The following NRXN1 variants were observed in gnomAD, a reference collection of about 807,000 sequenced individuals.
NRXN1 encodes the protein neurexin-1.
In NRXN1, 39 loss-of-function variants were observed where a neutral mutation model predicts 150.9. The observed-to-expected ratio is 0.26, with a 90% CI of 0.20 to 0.34. The LOEUF (loss-of-function observed/expected upper bound fraction) is 0.34, where lower values mean the gene tolerates loss of function less well. Ranked by LOEUF, NRXN1 falls within the 10% of genes least tolerant of loss-of-function variation. NRXN1 has a pLI of 1.00. For missense variants in NRXN1, 1,815 were observed against 1,949.9 expected, an observed-to-expected ratio of 0.93 and a Z score of 1.30; for synonymous variants, 924 against 757.0, an observed-to-expected ratio of 1.22 and a Z score of -3.62.
At chr2:50,300,762 C>G (rs1401043656) in intron 17 of NRXN1, among the ~76,000 whole-genome samples, 1 of 152,154 alleles carries the variant, frequency 6.6e-6, no homozygotes, top group Non-Finnish European at 1.5e-5. Flanking sequence ...ATGGCACTAT[C>G]TTGGCTCACT....
intron 5 of NRXN1, among the ~76,000 whole-genome samples, chr2:50,698,488 A>T (rs1276492740): frequency 6.6e-6 from 1 of 152,238 alleles, no homozygotes; most frequent in Non-Finnish European, 1.5e-5. Context: ...TTTTCATAAA[A>T]GTACACAATT....
intron 18 of NRXN1, among the ~76,000 whole-genome samples, chr2:50,147,559 G>C (rs1375173504): frequency 6.6e-6 from 1 of 151,654 alleles, no homozygotes; most frequent in African/African-American, 2.4e-5. Context: ...GATTCTTTGA[G>C]ATGTTATTAA....
At chr2:50,742,625 A>T (rs1390265010) in intron 5 of NRXN1, among the ~76,000 whole-genome samples, 1 of 151,138 alleles carries the variant, frequency 6.6e-6, no homozygotes, top group African/African-American at 2.4e-5. Context: ...AAAAAAAAAG[A>T]AAAAAGAAAC....
intron 5 of NRXN1, among the ~76,000 whole-genome samples, chr2:50,666,673 T>C (rs770352716): frequency 1.3e-5 from 2 of 151,912 alleles, no homozygotes; most frequent in Non-Finnish European, 2.9e-5. Flanking sequence ...TGGCTGCTTC[T>C]TACTCTGAAG....
chr2:50,007,104 A>G (rs1684895815), intron 21 of NRXN1, among the ~76,000 whole-genome samples: 1 of 152,086 alleles, frequency 6.6e-6, no homozygotes, highest in Non-Finnish European at 1.5e-5. Context: ...ATACCTTGGG[A>G]GGCCAAGGTG....
intron 8 of NRXN1, among the ~76,000 whole-genome samples, chr2:50,576,887 A>G (rs1671519076): frequency 6.6e-6 from 1 of 152,034 alleles, no homozygotes; most frequent in Non-Finnish European, 1.5e-5. Flanking sequence ...TCTGTGGTTA[A>G]GTAGCTCTTC....
At chr2:50,665,539 C>G (rs551771246) in intron 5 of NRXN1, among the ~76,000 whole-genome samples, 2 of 151,920 alleles carry the variant, frequency 1.3e-5, no homozygotes, top group Admixed American at 1.3e-4. Flanking sequence ...GAGTTAATCA[C>G]GCAAAATGCT....
rs77029495 is a variant in NRXN1 at position 50,029,793 on chromosome 2, C to A, written c.4128+23478G>T. 2.0e-5 allele frequency among the ~76,000 whole-genome samples: 3 copies of A among 152,270 alleles called. No individual in the cohort carries two copies. In the East Asian group the frequency reaches 5.8e-4, roughly 29 times the overall value. Reference sequence around the variant, plus strand: ...CTGAATTTAATATGAATAGGTTTCACCACTTGTCAACTATTTGACTAGAGG... The same window carrying A: ...CTGAATTTAATATGAATAGGTTTCAACACTTGTCAACTATTTGACTAGAGG... On this transcript the variant is annotated intron_variant, in intron 21 of 22. Coordinates refer to ENST00000401669, the MANE Select transcript of NRXN1 (RefSeq NM_001330078.2).
At chr2:50,504,508 T>A (rs2092122470) in intron 13 of NRXN1, among the ~76,000 whole-genome samples, 2 of 152,142 alleles carry the variant, frequency 1.3e-5, no homozygotes, top group Non-Finnish European at 2.9e-5. Context: ...AGGGTATTCT[T>A]TGTATTATTT....
chr2:50,732,905 C>T (rs983109534), intron 5 of NRXN1, among the ~76,000 whole-genome samples: 4 of 152,112 alleles, frequency 2.6e-5, no homozygotes, highest in Non-Finnish European at 5.9e-5. Flanking sequence ...GACTTTCTTC[C>T]AGTACACTGT....
At chr2:50,754,538 G>A (rs966282859) in intron 5 of NRXN1, among the ~76,000 whole-genome samples, 10 of 151,752 alleles carry the variant, frequency 6.6e-5, no homozygotes, top group South Asian at 4.1e-4. Flanking sequence ...TATGAACACA[G>A]CCTGTATTAA....
At chr2:50,595,238 C>G (rs1213278889) in intron 8 of NRXN1, among the ~76,000 whole-genome samples, 1 of 151,742 alleles carries the variant, frequency 6.6e-6, no homozygotes, top group Non-Finnish European at 1.5e-5. Context: ...TAGGCTGTGA[C>G]CTGATTTGAC....
intron 17 of NRXN1, 66 bp downstream of exon 17, chr2:50,465,376 C>A: frequency 6.8e-7 from 1 of 1,471,072 alleles, no homozygotes. Context: ...CAGTGTTAGA[C>A]TTTAGATATC....
At chr2:50,670,862 T>C (rs766069367) in intron 5 of NRXN1, among the ~76,000 whole-genome samples, 3 of 151,888 alleles carry the variant, frequency 2.0e-5, no homozygotes, top group African/African-American at 7.2e-5. Context: ...TCTCAGAGCA[T>C]GATGTCTGGA....
intron 2 of NRXN1, among the ~76,000 whole-genome samples, chr2:50,951,101 G>C (rs1234661895): frequency 6.6e-6 from 1 of 152,152 alleles, no homozygotes; most frequent in Non-Finnish European, 1.5e-5. Context: ...GTATTCAATT[G>C]CTCAAGGACA....
rs539946244 is a variant in NRXN1 at position 50,641,456 on chromosome 2, C to G, written c.833-17841G>C. On this transcript the variant is annotated intron_variant, in intron 5 of 22. Transcript: ENST00000401669. ...AGGATTCTCTTCAGTGAAACATTCTCCATCTAGCTCAGATTCAAGGAAGGC... is the reference window on the plus strand; with the variant it reads ...AGGATTCTCTTCAGTGAAACATTCTGCATCTAGCTCAGATTCAAGGAAGGC... 5.9e-5 allele frequency among the ~76,000 whole-genome samples: 9 copies of G among 152,186 alleles called. No homozygotes were observed. In the South Asian group the frequency reaches 1.7e-3, roughly 28 times the overall value.
chr2:50,744,710 T>G (rs1261877634), intron 5 of NRXN1, among the ~76,000 whole-genome samples: 1 of 152,124 alleles, frequency 6.6e-6, no homozygotes, highest in Non-Finnish European at 1.5e-5. Flanking sequence ...TTAGTTGACA[T>G]GCACTGAGCT....
At position 50,809,422 on chromosome 2, in the gene NRXN1, C is replaced by T. The variant is rs145043056; in HGVS notation, c.832+112447G>A. ...TGAATGGAGAAGAGCCAGGTAGGTG[C>T]TTTCCTAGAGAGAAAAAATAAATCA... On this transcript the variant is annotated intron_variant, in intron 5 of 22. Coordinates refer to ENST00000401669, the MANE Select transcript of NRXN1 (RefSeq NM_001330078.2). Among the ~76,000 whole-genome samples, 714 of 152,162 alleles carry T rather than the reference C, an allele frequency of 4.7e-3. 2 individuals carry two copies. Among genetic ancestry groups the T allele is most frequent in the Middle Eastern group, 0.024 (7 of 294 alleles).
intron 2 of NRXN1, among the ~76,000 whole-genome samples, chr2:50,931,647 A>C (rs1292101501): frequency 6.6e-6 from 1 of 150,810 alleles, no homozygotes; most frequent in African/African-American, 2.5e-5. Flanking sequence ...GCATATTAAA[A>C]GGATTTGATT....
Sources: gnomAD v4.1 joint callset for allele counts (sites outside exome capture counted in the v4.1 genomes callset) on GRCh38, gnomAD v4.1.1 for gene constraint, MANE v1.5 for transcripts, NCBI Gene and HGNC (gene_info 2026-07-23, HGNC 2026-07-21) for gene names.